Variants in ZNF385D observed in about 807,000 individuals in gnomAD.
ZNF385D encodes zinc finger protein 385D.
ZNF385D carries 15 observed loss-of-function variants against 35.8 expected under a neutral mutation model. The ratio of observed to expected loss-of-function variants is 0.42; its 90% CI spans 0.28 to 0.64. The LOEUF (loss-of-function observed/expected upper bound fraction) is 0.64, where lower values mean the gene tolerates loss of function less well. Ranked by LOEUF, ZNF385D falls within the 30% of genes least tolerant of loss-of-function variation. ZNF385D has a pLI of 0.23. For missense variants in ZNF385D, 474 were observed against 494.6 expected, an observed-to-expected ratio of 0.96 and a Z score of 0.39; for synonymous variants, 212 against 186.8, an observed-to-expected ratio of 1.13 and a Z score of -1.10.
In ZNF385D at chr3:21,867,766, G is replaced by T. The variant is rs149978959; in HGVS notation, c.326-202738C>A. ...GTAAAAAAAAAAAAAACCTCAACCA[G>T]TCTTTTTAGTCAGTTTTGAGACCTT... is the stretch of plus-strand genomic sequence containing the variant. On this transcript the variant is annotated intron_variant, in intron 3 of 5. Transcript: ENST00000494108. Among the ~76,000 whole-genome samples the T allele has an allele frequency of 5.9e-5, 9 of 151,558 alleles. No homozygotes were observed. The East Asian group carries it at 1.8e-3, about 30-fold the overall frequency.
intron 3 of ZNF385D, among the ~76,000 whole-genome samples, chr3:22,021,070 C>G (rs1257112476): frequency 6.6e-6 from 1 of 151,668 alleles, no homozygotes; most frequent in African/African-American, 2.4e-5. Context: ...AATGTATACC[C>G]ATGGACATAG....
chr3:22,340,482 C>G lies in ZNF385D; in HGVS notation c.106+31968G>C, dbSNP rs185142332. The stretch of plus-strand genomic sequence containing the variant: ...CCAACATGGTGAAACCTTATCTCTA[C>G]TAAAAATACAAAAATTATCTGGGTG... On this transcript the variant is annotated intron_variant, in intron 2 of 5. Transcript: ENST00000494108. 1.8e-4 allele frequency among the ~76,000 whole-genome samples: 28 copies of G among 152,240 alleles called. No individual in the cohort carries two copies. The East Asian group carries it at 5.4e-3, about 29-fold the overall frequency.
chr3:22,189,784 T>C (rs993604761), intron 2 of ZNF385D, among the ~76,000 whole-genome samples: 2 of 152,148 alleles, frequency 1.3e-5, no homozygotes, highest in African/African-American at 2.4e-5. Context: ...TTGCTTGGCA[T>C]ACCTCAAAAC....
At chr3:22,080,771 G>A (rs1700708305) in intron 3 of ZNF385D, among the ~76,000 whole-genome samples, 3 of 152,106 alleles carry the variant, frequency 2.0e-5, no homozygotes, top group Admixed American at 1.3e-4. Flanking sequence ...AGATTATGAG[G>A]GTGGTGTCAT....
At chr3:21,690,903 G>T (rs549237590) in intron 1 of ZNF385D, among the ~76,000 whole-genome samples, 15 of 152,206 alleles carry the variant, frequency 9.9e-5, no homozygotes, top group African/African-American at 3.6e-4. Flanking sequence ...GTGCACCTAC[G>T]TGATCAATAT....
At chr3:21,875,756 C>T (rs1472328289) in intron 3 of ZNF385D, among the ~76,000 whole-genome samples, 1 of 152,064 alleles carries the variant, frequency 6.6e-6, no homozygotes, top group Non-Finnish European at 1.5e-5. Flanking sequence ...CGTGTCATTG[C>T]CACCACTGTT....
chr3:22,041,292 C>A (rs937732475), intron 3 of ZNF385D, among the ~76,000 whole-genome samples: 4 of 152,080 alleles, frequency 2.6e-5, no homozygotes, highest in Non-Finnish European at 5.9e-5. Flanking sequence ...GAACTATAGC[C>A]AGGCATCTAT....
At chr3:21,753,532 T>G (rs2070198283), upstream of ZNF385D, among the ~76,000 whole-genome samples, 1 of 152,122 alleles carries the variant, frequency 6.6e-6, no homozygotes, top group African/African-American at 2.4e-5. Flanking sequence ...GAGTGTAATA[T>G]CTATACAATG....
intron 2 of ZNF385D, among the ~76,000 whole-genome samples, chr3:21,618,592 A>G (rs1348505063): frequency 6.6e-6 from 1 of 152,222 alleles, no homozygotes; most frequent in East Asian, 1.9e-4. Context: ...TATCCCAGTC[A>G]TTACACAGTA....
intron 1 of ZNF385D, among the ~76,000 whole-genome samples, chr3:21,721,696 T>C (rs2068547510): frequency 6.6e-6 from 1 of 152,332 alleles, no homozygotes; most frequent in African/African-American, 2.4e-5. Flanking sequence ...ATGGAAAAGA[T>C]GCATTTATAA....
chr3:21,862,158 A>G (rs1246674627), intron 3 of ZNF385D, among the ~76,000 whole-genome samples: 1 of 152,110 alleles, frequency 6.6e-6, no homozygotes, highest in Non-Finnish European at 1.5e-5. Context: ...TTCCATATTG[A>G]TATCAAATTC....
At chr3:21,599,348 G>A (rs1314056458) in intron 2 of ZNF385D, among the ~76,000 whole-genome samples, 1 of 152,116 alleles carries the variant, frequency 6.6e-6, no homozygotes, top group Admixed American at 6.5e-5. Context: ...AATGAATGAG[G>A]TGTGGTATAA....
At chr3:22,069,222 A>G (rs902256848) in intron 3 of ZNF385D, among the ~76,000 whole-genome samples, 1 of 152,226 alleles carries the variant, frequency 6.6e-6, no homozygotes, top group African/African-American at 2.4e-5. Flanking sequence ...TGAGAAAATG[A>G]GATCACAGTG....
rs181597208 is a variant in ZNF385D, at chr3:21,420,904, G to A, written c.*310C>T. The A allele has an allele frequency of 2.4e-4, 68 of 285,130 alleles. No homozygotes were observed. Among genetic ancestry groups the A allele is most frequent in the African/African-American group, 1.4e-3 (65 of 47,082 alleles). The allele number at this position is 285,130 out of a possible 1,614,324, so 17.7% of individuals were successfully genotyped here. ...TAAAGCAGGACAGACAATGCAGAGG[G>A]AAATAGGTGCCCAAAAGCACAGTCA... On this transcript the variant is annotated 3_prime_UTR_variant, in exon 8 of 8. Coordinates refer to ENST00000281523, the MANE Select transcript of ZNF385D (RefSeq NM_024697.3).
At chr3:21,948,914 T>C (rs1337958684) in intron 3 of ZNF385D, among the ~76,000 whole-genome samples, 1 of 152,158 alleles carries the variant, frequency 6.6e-6, no homozygotes, top group Non-Finnish European at 1.5e-5. Context: ...AATTAAACAA[T>C]TATTATAGTT....
At chr3:22,355,790 A>G (rs978650072) in intron 2 of ZNF385D, among the ~76,000 whole-genome samples, 4 of 152,026 alleles carry the variant, frequency 2.6e-5, no homozygotes, top group Admixed American at 1.3e-4. Context: ...CCCAAGGAAT[A>G]ATTAAAAACA....
chr3:22,309,495 T>C (rs750261189), intron 2 of ZNF385D, among the ~76,000 whole-genome samples: 1 of 152,090 alleles, frequency 6.6e-6, no homozygotes, highest in Non-Finnish European at 1.5e-5. Flanking sequence ...TAGAGAGTAT[T>C]AATATAAGGT....
intron 3 of ZNF385D, among the ~76,000 whole-genome samples, chr3:21,929,630 T>C (rs917576913): frequency 7.9e-5 from 12 of 151,792 alleles, no homozygotes; most frequent in African/African-American, 1.5e-4. Flanking sequence ...GATCAACATA[T>C]AAAAAATCAA....
At chr3:22,103,629 C>G (rs973133268) in intron 3 of ZNF385D, among the ~76,000 whole-genome samples, 5 of 151,870 alleles carry the variant, frequency 3.3e-5, no homozygotes, top group Non-Finnish European at 7.4e-5. Flanking sequence ...AAAATGACAA[C>G]TGAGTCCTAT....
Sources: allele counts gnomAD v4.1 joint callset (sites outside exome capture counted in the v4.1 genomes callset), GRCh38; gene constraint gnomAD v4.1.1; transcripts MANE v1.5; gene names NCBI Gene and HGNC (gene_info 2026-07-23, HGNC 2026-07-21).